Variants in PIEZO1 observed in about 807,000 individuals in gnomAD.
PIEZO1 encodes piezo type mechanosensitive ion channel component 1 (Er blood group), also known as piezo-type mechanosensitive ion channel component 1.
In PIEZO1, 296 loss-of-function variants were observed where a neutral mutation model predicts 297.2. That is an observed-to-expected ratio of 1.00 (90% CI 0.91 to 1.10). The LOEUF is 1.10. Ranked by LOEUF, PIEZO1 falls within the 50% of genes least tolerant of loss-of-function variation. The probability of loss-of-function intolerance (pLI) is 0.00; values close to 1 mark genes in which losing one functional copy is unlikely to be tolerated. For missense variants in PIEZO1, 5,018 were observed against 3,455.5 expected (o/e 1.45, Z -11.34); for synonymous variants, 2,427 against 1,507.5 (o/e 1.61, Z -14.13).
At chr16:88,724,355 A>AC (rs1442615260) in intron 30 of PIEZO1, among the ~76,000 whole-genome samples, 4 of 151,902 alleles carry the variant, frequency 2.6e-5, no homozygotes, top group Non-Finnish European at 5.9e-5. Context: ...ATATGGTGAA[A>AC]CCCCATCTCT....
At position 88,723,271 on chromosome 16, in the gene PIEZO1, CCTGCTG is replaced by C. The variant is rs1163261191; in HGVS notation, c.4387_4392del (p.Gln1463_Gln1464del). 2.6e-6 allele frequency: 4 copies of C among 1,543,046 alleles called. No individual in the cohort carries two copies. Among genetic ancestry groups the C allele is most frequent in the East Asian group, 4.9e-5 (2 of 40,936 alleles). Reference sequence around the variant, plus strand: ...TGTTCCTGCCTTGCCTGCTCCTGCTCCTGCTGCCGCCGCCTCAGCACCGCCTGGGCG... The same window carrying C: ...TGTTCCTGCCTTGCCTGCTCCTGCTCCCGCCGCCTCAGCACCGCCTGGGCG... On this transcript the variant is annotated inframe_deletion, in exon 32 of 51. Coordinates refer to ENST00000301015, the MANE Select transcript of PIEZO1 (RefSeq NM_001142864.4).
chr16:88,742,495 C>T, intron 2 of PIEZO1, 73 bp from the exon 3 acceptor site: 1 of 1,467,654 alleles, frequency 6.8e-7, no homozygotes, highest in Non-Finnish European at 9.1e-7. Flanking sequence ...CTCAGCCGGA[C>T]AATAGCCCCC....
chr16:88,747,855 C>T (rs1400077371), intron 2 of PIEZO1, among the ~76,000 whole-genome samples: 2 of 152,198 alleles, frequency 1.3e-5, no homozygotes, highest in Non-Finnish European at 2.9e-5. Flanking sequence ...GGGTGTGATC[C>T]TGACCCCACC....
chr16:88,739,450 C>G (rs934871251), intron 5 of PIEZO1: 1 of 152,146 alleles, frequency 6.6e-6, no homozygotes, highest in African/African-American at 2.4e-5. Flanking sequence ...TGGCTGCCAC[C>G]GGCCCAGTGT....
intron 44 of PIEZO1, chr16:88,717,661 A>G (rs1471976276): frequency 2.2e-6 from 1 of 446,944 alleles, no homozygotes; most frequent in Non-Finnish European, 4.5e-6. Context: ...TTACCAAAAT[A>G]AATACTTTGT....
rs1332016876 is a variant in PIEZO1, at chr16:88,723,136, T to G, written c.4454A>C (p.Gln1485Pro). Residue 1485 changes from glutamine to proline, a missense_variant, in exon 33 of 51, where the codon CAG (glutamine) becomes CCG (proline). Physicochemically the swap from Gln to Pro is moderately conservative, Grantham distance 76. Transcript: ENST00000301015. ...GGGGCCCTCTGCTGGCTCCACCTCC[T>G]GGCTGGGACCACCTCCTGGGCACAG... ...GQLPTGGGPS[Q>P]EVEPAEGPEE... 1.3e-6 allele frequency: 2 copies of G among 1,549,114 alleles called. No homozygotes were observed. The highest frequency in any genetic ancestry group is 1.7e-4 in the Middle Eastern group (1 of 5,986).
In PIEZO1 at chr16:88,741,571, A is replaced by G; in HGVS notation, c.372T>C (p.Pro124=). 3 of 1,535,630 alleles carry G rather than the reference A, an allele frequency of 2.0e-6. No individual in the cohort carries two copies. Among genetic ancestry groups the G allele is most frequent in the Middle Eastern group, 3.3e-4 (2 of 5,986 alleles). Residue 124 remains proline (P), a synonymous_variant, in exon 5 of 51, where the codon CCT becomes CCC. Coordinates refer to ENST00000301015, the MANE Select transcript of PIEZO1 (RefSeq NM_001142864.4). The part of the protein sequence containing the change: ...DIPNAIRLVA[P]DLGILVVSSV... ...AGGAGACCACCAAGATGCCCAGGTC[A>G]GGGGCCACCAGCCGGATGGCGTTGG...
chr16:88,732,857 G>C, intron 19 of PIEZO1, 125 bp from the exon 20 acceptor site: 3 of 993,340 alleles, frequency 3.0e-6, no homozygotes, highest in Middle Eastern at 3.3e-4. Context: ...CACGGGGGCT[G>C]CCAGCCTTGG....
intron 1 of PIEZO1, among the ~76,000 whole-genome samples, chr16:88,761,976 G>C (rs972485741): frequency 6.6e-6 from 1 of 152,202 alleles, no homozygotes; most frequent in Non-Finnish European, 1.5e-5. Context: ...TGGGTTCCTC[G>C]CCAGCCCCCG....
intron 1 of PIEZO1, among the ~76,000 whole-genome samples, chr16:88,764,241 G>A (rs545166653): frequency 1.6e-4 from 24 of 152,274 alleles, no homozygotes; most frequent in African/African-American, 4.6e-4. Flanking sequence ...AGGAGATGGG[G>A]TCCTCTTGAA....
chr16:88,766,539 C>A (rs1025505383), intron 1 of PIEZO1, among the ~76,000 whole-genome samples: 7 of 152,234 alleles, frequency 4.6e-5, no homozygotes, highest in African/African-American at 1.7e-4. Context: ...CAGCACCTGG[C>A]AGGGCCCAAA....
chr16:88,726,958 C>G lies in PIEZO1; in HGVS notation c.3456G>C (p.Arg1152Ser), dbSNP rs1437561566. Residue 1152 changes from arginine to serine, a missense_variant and splice_region_variant, in exon 25 of 51, where the codon AGG (arginine) becomes AGC (serine). Coordinates refer to ENST00000301015, the MANE Select transcript of PIEZO1 (RefSeq NM_001142864.4). The stretch of plus-strand genomic sequence containing the variant: ...CCACCTTCAGCATGTCAAGGTAGGA[C>G]CTGCCAGGCCGGAGCGTCAGGGCGG... The part of the protein sequence containing the change: ...PNPVPNFIHC[R>S]SYLDMLKVAV... The G allele has an allele frequency of 1.3e-6, 2 of 1,550,332 alleles. No individual in the cohort carries two copies. Among genetic ancestry groups the G allele is most frequent in the Middle Eastern group, 1.7e-4 (1 of 5,990 alleles).
chr16:88,776,908 G>A (rs746815493), intron 1 of PIEZO1, among the ~76,000 whole-genome samples: 2 of 152,198 alleles, frequency 1.3e-5, no homozygotes, highest in African/African-American at 2.4e-5. Flanking sequence ...ATCTGGGCCC[G>A]GCTCACTTCT....
intron 2 of PIEZO1, chr16:88,742,974 G>C (rs1487675520): frequency 4.5e-6 from 2 of 440,886 alleles, no homozygotes; most frequent in African/African-American, 4.0e-5. Context: ...CATGGCCTAT[G>C]CATGGTACCC....
intron 22 of PIEZO1, 66 bp downstream of exon 22, chr16:88,731,640 G>C (rs1345353510): frequency 2.3e-6 from 3 of 1,317,060 alleles, no homozygotes; most frequent in Non-Finnish European, 3.2e-6. Context: ...GGGCAGGCGG[G>C]AAACACCCCC....
chr16:88,737,859 C>G (rs1905346767), intron 8 of PIEZO1, 45 bp from the exon 9 acceptor site: 2 of 1,533,314 alleles, frequency 1.3e-6, no homozygotes, highest in Admixed American at 2.0e-5. Flanking sequence ...CCACACCCCA[C>G]CCAGAGGCAG....
rs968337596 is a variant in PIEZO1 at position 88,716,067 on chromosome 16, A to G, written c.7182T>C (p.Gly2394=). ...ATTCGAGGAAGCCGGTGGCCCCCGC[A>G]CCCTGCTCCCTCCGCAGCTGGATAC... ...GVRIQLRREQ[G]AGATGFLEWW... Residue 2394 remains glycine (G), a synonymous_variant, in exon 50 of 51, where the codon GGT becomes GGC. Transcript: ENST00000301015. 1 of 1,549,864 alleles carries G rather than the reference A, an allele frequency of 6.5e-7. No homozygotes were observed. Among genetic ancestry groups the G allele is most frequent in the Non-Finnish European group, 8.7e-7 (1 of 1,146,808 alleles).
At chr16:88,740,318 G>A (rs755296024) in intron 5 of PIEZO1, 4 of 152,328 alleles carry the variant, frequency 2.6e-5, no homozygotes, top group Non-Finnish European at 4.4e-5. Flanking sequence ...GCCGCCCAGG[G>A]CGCAGCTGCA....
At position 88,734,435 on chromosome 16, in the gene PIEZO1, A is replaced by G. The variant is rs1905072268; in HGVS notation, c.2101T>C (p.Phe701Leu). ...LLACILQLHY[F>L]HRPFMQLTDM... ...GTGAGCTGCATGAAGGGCCTGTGGA[A>G]GTAGTGCAGCTGCAGGATGCAGGCC... The change falls in exon 16 of 51, where the codon TTC becomes CTC. Residue 701 changes from phenylalanine (F) to leucine (L), a missense_variant. Coordinates refer to ENST00000301015, the MANE Select transcript of PIEZO1 (RefSeq NM_001142864.4). 1 of 1,549,866 alleles carries G rather than the reference A, an allele frequency of 6.5e-7. No individual in the cohort carries two copies. The highest frequency in any genetic ancestry group is 1.2e-5 in the South Asian group (1 of 84,056).
Sources: gnomAD v4.1 joint callset for allele counts (sites outside exome capture counted in the v4.1 genomes callset) on GRCh38, gnomAD v4.1.1 for gene constraint, MANE v1.5 for transcripts, NCBI Gene and HGNC (gene_info 2026-07-23, HGNC 2026-07-21) for gene names.